SNRPA: variants seen among roughly 807,000 people sequenced by gnomAD.
SNRPA encodes U1 small nuclear ribonucleoprotein A.
A neutral mutation model predicts 24.5 loss-of-function variants in SNRPA; 10 were observed. That is an observed-to-expected ratio of 0.41 (90% CI 0.25 to 0.69). SNRPA has a LOEUF of 0.69. SNRPA is among the 30% of genes least tolerant of loss of function. The pLI is 0.33. For synonymous variants in SNRPA, 165 were observed against 148.4 expected, an observed-to-expected ratio of 1.11 and a Z score of -0.81; for missense variants, 283 against 394.7, an observed-to-expected ratio of 0.72 and a Z score of 2.40.
intron 1 of SNRPA, among the ~76,000 whole-genome samples, chr19:40,756,674 A>AGCT (rs1170021757): frequency 6.6e-6 from 1 of 152,068 alleles, no homozygotes; most frequent in East Asian, 1.9e-4. Context: ...ACAGGCTTAT[A>AGCT]GCTCCTCAGG....
intron 5 of SNRPA, among the ~76,000 whole-genome samples, chr19:40,764,381 A>G (rs2082945698): frequency 6.6e-6 from 1 of 152,198 alleles, no homozygotes. Flanking sequence ...ATACAGAAAA[A>G]CAATACCACA....
chr19:40,753,657 A>C (rs2082895518), intron 1 of SNRPA, among the ~76,000 whole-genome samples: 1 of 151,900 alleles, frequency 6.6e-6, no homozygotes, highest in Non-Finnish European at 1.5e-5. Flanking sequence ...TCGGCCTCCC[A>C]AAGTGCTGGG....
intron 4 of SNRPA, 194 bp downstream of exon 4, chr19:40,763,268 G>T (rs1196210239): frequency 3.3e-6 from 2 of 598,992 alleles, no homozygotes; most frequent in Non-Finnish European, 5.9e-6. Flanking sequence ...GGGTACGGAA[G>T]GTTAGGGTAG....
chr19:40,753,335 A>G (rs2082892011), intron 1 of SNRPA, among the ~76,000 whole-genome samples: 1 of 138,316 alleles, frequency 7.2e-6, no homozygotes, highest in Admixed American at 7.4e-5. Context: ...AGCCTGGGTG[A>G]TAGAGACTGT....
intron 3 of SNRPA, among the ~76,000 whole-genome samples, chr19:40,760,287 G>T (rs1387840570): frequency 2.6e-5 from 4 of 152,246 alleles, no homozygotes. Context: ...TTACATGCAT[G>T]AGCCACCATG....
chr19:40,754,495 TAGAA>T (rs1282772451), intron 1 of SNRPA, among the ~76,000 whole-genome samples: 1 of 152,082 alleles, frequency 6.6e-6, no homozygotes, highest in Non-Finnish European at 1.5e-5. Context: ...ATTGGGAACT[TAGAA>T]AGACAGAGAG....
intron 1 of SNRPA, among the ~76,000 whole-genome samples, chr19:40,755,800 G>A (rs2082906202): frequency 6.6e-6 from 1 of 152,202 alleles, no homozygotes. Flanking sequence ...CTGGTGAGAT[G>A]TGGTGGTACC....
Position 40,759,598 on chromosome 19 carries a change from G to A in SNRPA, c.414G>A (p.Gln138=). 2 of 1,608,542 alleles carry A rather than the reference G, an allele frequency of 1.2e-6. No homozygotes were observed. Among genetic ancestry groups the A allele is most frequent in the Non-Finnish European group, 1.7e-6 (2 of 1,178,392 alleles). ...GGATPVVGAV[Q]GPVPGMPPMT... is the part of the protein sequence containing the mutation. Reference sequence around the variant, plus strand: ...CCACCCCCGTGGTGGGGGCTGTCCAGGGGCCTGTCCCGGTAAGCCAGGTCC... The same window carrying A: ...CCACCCCCGTGGTGGGGGCTGTCCAAGGGCCTGTCCCGGTAAGCCAGGTCC... The change falls in exon 3 of 6, where the codon CAG becomes CAA. Residue 138 remains glutamine, a synonymous_variant. Transcript: ENST00000243563.
chr19:40,760,016 T>A (rs1386629050), intron 3 of SNRPA, among the ~76,000 whole-genome samples: 1 of 152,068 alleles, frequency 6.6e-6, no homozygotes, highest in Non-Finnish European at 1.5e-5. Context: ...GGAAAAAAAT[T>A]AGTTTTATTT....
intron 1 of SNRPA, among the ~76,000 whole-genome samples, chr19:40,751,775 A>AC (rs2082868201): frequency 6.6e-6 from 1 of 152,004 alleles, no homozygotes; most frequent in Non-Finnish European, 1.5e-5. Flanking sequence ...GTACGCTGAG[A>AC]CCATCTCCCA....
chr19:40,761,540 C>T (rs2082932915), intron 3 of SNRPA, among the ~76,000 whole-genome samples: 2 of 130,286 alleles, frequency 1.5e-5, no homozygotes, highest in African/African-American at 5.6e-5. Context: ...GATCTCAGCT[C>T]TCTGCAACCT....
intron 1 of SNRPA, among the ~76,000 whole-genome samples, chr19:40,754,071 G>A (rs918763590): frequency 1.9e-4 from 28 of 146,690 alleles, no homozygotes; most frequent in African/African-American, 7.0e-4. Context: ...AAAGTGCTGG[G>A]ATTACAGGCG....
At chr19:40,751,554 C>A in intron 1 of SNRPA, 73 bp downstream of exon 1, 1 of 1,090,224 alleles carries the variant, frequency 9.2e-7, no homozygotes, top group Non-Finnish European at 1.4e-6. Context: ...CCTGCACCCG[C>A]CTCTCTTTCT....
chr19:40,751,404 A>C lies in SNRPA; in HGVS notation c.-5A>C. The C allele has an allele frequency of 6.2e-7, 1 of 1,609,148 alleles. No individual in the cohort carries two copies. The highest frequency in any genetic ancestry group is 8.5e-7 in the Non-Finnish European group (1 of 1,175,812). On this transcript the variant is annotated 5_prime_UTR_variant, in exon 1 of 6. Coordinates refer to ENST00000243563, the MANE Select transcript of SNRPA (RefSeq NM_004596.5). The stretch of plus-strand genomic sequence containing the variant: ...CCTTTAAGACTTACCTCAACACTTC[A>C]CTCCATGGCAGTTCCCGAGACCCGC...
At chr19:40,752,381 A>T (rs1345864431) in intron 1 of SNRPA, among the ~76,000 whole-genome samples, 1 of 151,588 alleles carries the variant, frequency 6.6e-6, no homozygotes, top group Non-Finnish European at 1.5e-5. Flanking sequence ...GACAGGGGTG[A>T]TGTGACTTGC....
rs2082939888 is a variant in SNRPA, at chr19:40,763,094, C to T, written c.600+20C>T. On this transcript the variant is annotated intron_variant, in intron 4 of 5. Transcript: ENST00000243563. ...CAGCCTGTGAGTATCTAGTCCCACC[C>T]ACCAGGTCTCATATAAATAGTGAGA... 2.0e-6 allele frequency: 3 copies of T among 1,527,152 alleles called. No individual in the cohort carries two copies. The highest frequency in any genetic ancestry group is 1.8e-6 in the Non-Finnish European group (2 of 1,133,568). The allele number at this position is 1,527,152 out of a possible 1,614,324, so 94.6% of individuals were successfully genotyped here. A position where few individuals can be genotyped will look rare whatever the true frequency, so the allele number is the denominator to read the frequency against.
intron 1 of SNRPA, among the ~76,000 whole-genome samples, chr19:40,753,390 T>TTTGTTTG (rs2082893508): frequency 1.1e-5 from 1 of 93,876 alleles, no homozygotes; most frequent in African/African-American, 5.3e-5. Flanking sequence ...ATATGTTTTT[T>TTTGTTTG]TTTTTTTTTT....
Position 40,765,293 on chromosome 19 carries a change from G to T in SNRPA, c.*126G>T. ...TGGAGCCGTGTGTGAGTGAGTGGTCGCCACACAGCATTGTACCCAGAGTCT... is the reference window on the plus strand; with the variant it reads ...TGGAGCCGTGTGTGAGTGAGTGGTCTCCACACAGCATTGTACCCAGAGTCT... On this transcript the variant is annotated 3_prime_UTR_variant, in exon 6 of 6. Transcript: ENST00000243563. 1 of 520,172 alleles carries T rather than the reference G, an allele frequency of 1.9e-6. No individual in the cohort carries two copies. The highest frequency in any genetic ancestry group is 3.7e-5 in the South Asian group (1 of 27,216). The allele number at this position is 520,172 out of a possible 1,614,324, so 32.2% of individuals were successfully genotyped here. A position where few individuals can be genotyped will look rare whatever the true frequency, so the allele number is the denominator to read the frequency against.
At chr19:40,753,386 T>TTTTTTTTG (rs2082893356) in intron 1 of SNRPA, among the ~76,000 whole-genome samples, 2 of 10,548 alleles carry the variant, frequency 1.9e-4, no homozygotes, top group African/African-American at 1.2e-3. Flanking sequence ...TTGCATATGT[T>TTTTTTTTG]TTTTTTTTTT....
Sources: gnomAD v4.1 joint callset for allele counts (sites outside exome capture counted in the v4.1 genomes callset) on GRCh38, gnomAD v4.1.1 for gene constraint, MANE v1.5 for transcripts, NCBI Gene and HGNC (gene_info 2026-07-23, HGNC 2026-07-21) for gene names.